The following CTIF variants were observed in gnomAD, a reference collection of about 807,000 sequenced individuals.
CTIF encodes cap binding complex dependent translation initiation factor.
A neutral mutation model predicts 66.0 loss-of-function variants in CTIF; 21 were observed. The ratio of observed to expected loss-of-function variants is 0.32; its 90% confidence interval spans 0.23 to 0.46. The LOEUF (loss-of-function observed/expected upper bound fraction) is 0.46. Ranked by LOEUF, CTIF falls within the 20% of genes least tolerant of loss-of-function variation. The pLI, the probability that CTIF is intolerant of heterozygous loss-of-function variation, is 1.00. For missense variants in CTIF, 739 were observed against 812.7 expected (o/e 0.91, Z 1.10); for synonymous variants, 345 against 326.4 (o/e 1.06, Z -0.62).
intron 7 of CTIF, among the ~76,000 whole-genome samples, chr18:48,753,487 G>T (rs1022311185): frequency 2.3e-4 from 35 of 152,048 alleles, no homozygotes; most frequent in African/African-American, 8.0e-4. Context: ...TTGTCTTTTT[G>T]TATAAAAGAG....
chr18:48,749,949 C>T (rs1302109626), intron 7 of CTIF, among the ~76,000 whole-genome samples: 1 of 152,214 alleles, frequency 6.6e-6, no homozygotes, highest in East Asian at 1.9e-4. Flanking sequence ...GGAAACACTC[C>T]ACCAGGTTCA....
At position 48,649,282 on chromosome 18, in the gene CTIF, A is replaced by C. The variant is rs111593054; in HGVS notation, c.252+12597A>C. Among the ~76,000 whole-genome samples the C allele has an allele frequency of 9.1e-3, 1,387 of 152,346 alleles. 9 individuals carry two copies. Among genetic ancestry groups the C allele is most frequent in the South Asian group, 0.014 (69 of 4,826 alleles). ...CTGCACTTTTCCAATAGTCTTAGCA[A>C]ATGGCACACCAGATTATATCCTGCA... On this transcript the variant is annotated intron_variant, in intron 3 of 11. Transcript: ENST00000256413.
rs1025525800 is a variant in CTIF at position 48,598,021 on chromosome 18, T to C, written c.-28-21517T>C. 3.3e-5 allele frequency among the ~76,000 whole-genome samples: 5 copies of C among 152,310 alleles called. No homozygotes were observed. The South Asian group carries it at 1.0e-3, about 32-fold the overall frequency. ...CTCTATTCCAATGCCCTTTCAGCCT[T>C]TCCAGCTCATCTTCTGGCTGCGGCA... On this transcript the variant is annotated intron_variant, in intron 1 of 11. Coordinates refer to ENST00000256413, the MANE Select transcript of CTIF (RefSeq NM_014772.3).
At chr18:48,641,436 C>T (rs745567669) in intron 3 of CTIF, among the ~76,000 whole-genome samples, 33 of 152,274 alleles carry the variant, frequency 2.2e-4, no homozygotes, top group East Asian at 5.8e-4. Context: ...CTGATGAGCA[C>T]GACTGCCTAT....
At chr18:48,709,562 C>T (rs1472021890) in intron 6 of CTIF, among the ~76,000 whole-genome samples, 3 of 152,242 alleles carry the variant, frequency 2.0e-5, no homozygotes, top group Admixed American at 2.0e-4. Context: ...AGATCCTAGT[C>T]CCTGCCGCCG....
intron 3 of CTIF, among the ~76,000 whole-genome samples, chr18:48,644,372 A>G (rs1046587266): frequency 6.6e-6 from 1 of 152,182 alleles, no homozygotes; most frequent in Non-Finnish European, 1.5e-5. Flanking sequence ...GATGTCTGGG[A>G]CATGACACAG....
At chr18:48,775,863 G>A (rs150527175) in intron 9 of CTIF, among the ~76,000 whole-genome samples, 121 of 152,338 alleles carry the variant, frequency 7.9e-4, no homozygotes, top group African/African-American at 2.8e-3. Flanking sequence ...CCAGCCTGGC[G>A]GAGGGTGTCA....
At chr18:48,779,558 T>C (rs1911013682) in intron 9 of CTIF, among the ~76,000 whole-genome samples, 1 of 152,234 alleles carries the variant, frequency 6.6e-6, no homozygotes, top group Admixed American at 6.5e-5. Context: ...TAGGTGGCCA[T>C]GCTTTCAGAG....
intron 7 of CTIF, among the ~76,000 whole-genome samples, chr18:48,727,309 G>T (rs1047835118): frequency 1.3e-5 from 2 of 152,176 alleles, no homozygotes; most frequent in South Asian, 4.1e-4. Flanking sequence ...TCCGCCCTCT[G>T]CATTCAGGGT....
At chr18:48,662,112 A>G (rs1235919934) in intron 3 of CTIF, 1 of 152,314 alleles carries the variant, frequency 6.6e-6, no homozygotes, top group Non-Finnish European at 1.5e-5. Context: ...AGGTGACTGC[A>G]GTTTGGGAGG....
At chr18:48,789,841 A>G (rs1489584830) in intron 9 of CTIF, among the ~76,000 whole-genome samples, 1 of 152,234 alleles carries the variant, frequency 6.6e-6, no homozygotes, top group African/African-American at 2.4e-5. Flanking sequence ...GGGAAGACTA[A>G]TAAGAGACCC....
intron 10 of CTIF, among the ~76,000 whole-genome samples, chr18:48,830,160 T>TTTTG (rs2068660194): frequency 6.6e-6 from 1 of 152,144 alleles, no homozygotes. Context: ...TGTTAATTAT[T>TTTTG]TTTGTTTGTT....
chr18:48,809,582 C>T (rs914410486), intron 9 of CTIF, among the ~76,000 whole-genome samples: 14 of 152,070 alleles, frequency 9.2e-5, no homozygotes, highest in African/African-American at 1.7e-4. Flanking sequence ...GGTTGGAAAG[C>T]GTCTCTTTTT....
chr18:48,762,399 G>A (rs1169522172), intron 9 of CTIF, among the ~76,000 whole-genome samples: 1 of 152,194 alleles, frequency 6.6e-6, no homozygotes. Flanking sequence ...CATCTCACAA[G>A]TACCTGCTTG....
At chr18:48,604,593 A>G (rs991153778) in intron 1 of CTIF, among the ~76,000 whole-genome samples, 3 of 152,224 alleles carry the variant, frequency 2.0e-5, no homozygotes, top group African/African-American at 7.2e-5. Context: ...ACCCAAGTCA[A>G]TAATCATGGG....
chr18:48,724,065 A>G (rs995319952), intron 7 of CTIF, among the ~76,000 whole-genome samples: 6 of 152,164 alleles, frequency 3.9e-5, no homozygotes, highest in African/African-American at 1.4e-4. Flanking sequence ...TCATCTCTGT[A>G]GCAGCAGCAT....
chr18:48,840,876 C>T (rs564764650), intron 10 of CTIF, among the ~76,000 whole-genome samples: 1 of 140,366 alleles, frequency 7.1e-6, no homozygotes, highest in African/African-American at 2.5e-5. Context: ...CCCCCACCCC[C>T]ACCCCCACCC....
intron 1 of CTIF, among the ~76,000 whole-genome samples, chr18:48,560,488 G>T (rs7407054): frequency 6.6e-6 from 1 of 152,140 alleles, no homozygotes; most frequent in East Asian, 1.9e-4. Flanking sequence ...GCCTCCCAAA[G>T]TGCTGGGATT....
chr18:48,758,377 A>G lies in CTIF; in HGVS notation c.1043A>G (p.Asp348Gly). Residue 348 changes from aspartate to glycine, a missense_variant, in exon 8 of 12, where the codon GAC (aspartate) becomes GGC (glycine). By Grantham distance (94) the Asp-to-Gly change is moderately conservative. Coordinates refer to ENST00000256413, the MANE Select transcript of CTIF (RefSeq NM_014772.3). ...ATTACCCTGCTCCAGTCTTCCAAAG[A>G]CAGACTGCGGCGAAGGCTAAAGGAA... The part of the protein sequence containing the change: ...PKITLLQSSK[D>G]RLRRRLKEKD... 6.3e-7 allele frequency: 1 copy of G among 1,599,606 alleles called. No individual in the cohort carries two copies.
Sources: gnomAD v4.1 joint callset for allele counts (sites outside exome capture counted in the v4.1 genomes callset) on GRCh38, gnomAD v4.1.1 for gene constraint, MANE v1.5 for transcripts, NCBI Gene and HGNC (gene_info 2026-07-23, HGNC 2026-07-21) for gene names.